The following CEP135 variants were observed in gnomAD, a reference collection of about 807,000 sequenced individuals.
The protein encoded by CEP135 is centrosomal protein of 135 kDa.
In CEP135, 142 loss-of-function variants were observed where a neutral mutation model predicts 157.3. That is an observed-to-expected ratio of 0.90 (90% confidence interval 0.79 to 1.04). The LOEUF is 1.04. CEP135 is among the 50% of genes least tolerant of loss of function. The pLI is 0.00. For synonymous variants in CEP135, 396 were observed against 439.8 expected, an observed-to-expected ratio of 0.90 and a Z score of 1.25; for missense variants, 1,317 against 1,309.2, an observed-to-expected ratio of 1.01 and a Z score of -0.09.
chr4:55,971,398 T>A lies in CEP135; in HGVS notation c.1239T>A (p.Phe413Leu). Residue 413 changes from phenylalanine (F) to leucine (L), a missense_variant, in exon 10 of 26, where the codon TTT becomes TTA. Phe to Leu is a conservative substitution (Grantham distance 22). Coordinates refer to ENST00000257287, the MANE Select transcript of CEP135 (RefSeq NM_025009.5). ...GACTTAGCAAAAAAGTTGAAAGTTT[T>A]GCAGTTACAGGTAAGATGTCAAATT... is the stretch of plus-strand genomic sequence containing the variant. ...KQRLSKKVES[F>L]AVTERQLTLE... The A allele has an allele frequency of 6.3e-7, 1 of 1,595,316 alleles. No individual in the cohort carries two copies. Among genetic ancestry groups the A allele is most frequent in the Non-Finnish European group, 8.5e-7 (1 of 1,174,354 alleles).
chr4:56,027,129 A>C (rs545996905), intron 25 of CEP135, among the ~76,000 whole-genome samples: 9 of 152,264 alleles, frequency 5.9e-5, no homozygotes, highest in Middle Eastern at 3.4e-3. Context: ...CTCAGTGTTC[A>C]CTGTAGTCAC....
chr4:55,985,940 C>CA (rs995642701), intron 14 of CEP135, among the ~76,000 whole-genome samples: 11 of 151,460 alleles, frequency 7.3e-5, no homozygotes, highest in Non-Finnish European at 1.2e-4. Context: ...ACTACAACTC[C>CA]AAAAAAAATC....
In CEP135 at chr4:56,017,733, A is replaced by G; in HGVS notation, c.2888A>G (p.Gln963Arg). Residue 963 changes from glutamine to arginine, a missense_variant, in exon 22 of 26, where the codon CAA becomes CGA. By Grantham distance (43) the Gln-to-Arg change is conservative (BLOSUM62 1). Transcript: ENST00000257287. ...MSRLEEELRH[Q>R]EDEKATVLND... ...CGATTAGAAGAAGAGCTGAGACATC[A>G]AGAAGATGAGAAAGCAACAGTATTA... The G allele has an allele frequency of 6.2e-7, 1 of 1,614,004 alleles. No homozygotes were observed. The highest frequency in any genetic ancestry group is 8.5e-7 in the Non-Finnish European group (1 of 1,179,992).
At chr4:55,988,875 G>A (rs533632761) in intron 14 of CEP135, among the ~76,000 whole-genome samples, 1 of 149,760 alleles carries the variant, frequency 6.7e-6, no homozygotes, top group East Asian at 2.0e-4. Context: ...GCAGGAGAAT[G>A]GCATGAACCT....
chr4:55,994,656 A>G (rs553752199), intron 15 of CEP135, among the ~76,000 whole-genome samples: 1 of 149,554 alleles, frequency 6.7e-6, no homozygotes, highest in African/African-American at 2.5e-5. Context: ...TTTATTACCA[A>G]CAAACAGGCT....
At chr4:55,964,715 G>C (rs1728789680) in intron 7 of CEP135, among the ~76,000 whole-genome samples, 1 of 152,144 alleles carries the variant, frequency 6.6e-6, no homozygotes, top group South Asian at 2.1e-4. Flanking sequence ...GACTTGGAAA[G>C]AGAAAACGAA....
intron 24 of CEP135, 64 bp downstream of exon 24, chr4:56,020,844 T>G: frequency 1.7e-6 from 2 of 1,151,270 alleles, no homozygotes; most frequent in Admixed American, 2.0e-5. Context: ...CTTCAGAAAG[T>G]ATTTAATATG....
intron 17 of CEP135, among the ~76,000 whole-genome samples, chr4:56,007,790 T>C (rs2702341): frequency 0.55 from 83,906 of 151,964 alleles, 23,571 homozygotes; most frequent in African/African-American, 0.65. Flanking sequence ...ATTCTGTCAC[T>C]GTCTGCTCAG....
chr4:55,985,273 T>C lies in CEP135; in HGVS notation c.1780-8T>C. 1 of 1,499,576 alleles carries C rather than the reference T, an allele frequency of 6.7e-7. No homozygotes were observed. The highest frequency in any genetic ancestry group is 9.2e-7 in the Non-Finnish European group (1 of 1,081,638). The allele number at this position is 1,499,576 out of a possible 1,614,324, so 92.9% of individuals were successfully genotyped here. A position where few individuals can be genotyped will look rare whatever the true frequency, so the allele number is the denominator to read the frequency against. ...CAAATGAACATTTTCTTTAACATTC[T>C]TTTTCAGCATATTGAAGAAGTGAGT... On this transcript the variant is annotated splice_polypyrimidine_tract_variant and splice_region_variant and intron_variant, in intron 13 of 25. Coordinates refer to ENST00000257287, the MANE Select transcript of CEP135 (RefSeq NM_025009.5).
chr4:55,976,741 G>C (rs1729237457), intron 11 of CEP135, among the ~76,000 whole-genome samples: 1 of 151,984 alleles, frequency 6.6e-6, no homozygotes, highest in Non-Finnish European at 1.5e-5. Flanking sequence ...GAATGAAATG[G>C]GTGGGGTATA....
At chr4:56,027,688 T>C (rs1372676494) in intron 25 of CEP135, among the ~76,000 whole-genome samples, 1 of 152,144 alleles carries the variant, frequency 6.6e-6, no homozygotes, top group Non-Finnish European at 1.5e-5. Flanking sequence ...ATTTTTGTTT[T>C]GTTTTGTTTT....
intron 21 of CEP135, among the ~76,000 whole-genome samples, chr4:56,014,753 G>T (rs1254292663): frequency 6.6e-6 from 1 of 152,124 alleles, no homozygotes; most frequent in African/African-American, 2.4e-5. Flanking sequence ...ATGAAGCCAG[G>T]TGTGGTAGCT....
chr4:56,008,506 G>A (rs952886393), intron 18 of CEP135, 124 bp downstream of exon 18: 41 of 727,298 alleles, frequency 5.6e-5, no homozygotes, highest in East Asian at 2.4e-4. Flanking sequence ...TTTGTCAATG[G>A]TAGCATCATT....
rs968283902 is a variant in CEP135 at position 56,032,769 on chromosome 4, C to T, written c.*1421C>T. On this transcript the variant is annotated 3_prime_UTR_variant, in exon 26 of 26. Transcript: ENST00000257287. ...AATATATTTCATTATGATTGAAAAA[C>T]ATAAAAACTAACATAGGAAAGTGAA... is the stretch of plus-strand genomic sequence containing the variant. 3 of 151,934 alleles carry T rather than the reference C, an allele frequency of 2.0e-5. No individual in the cohort carries two copies. Among genetic ancestry groups the T allele is most frequent in the East Asian group, 1.9e-4 (1 of 5,184 alleles). 9.4% of individuals were successfully genotyped at this position (151,934 alleles called of 1,614,324 possible).
intron 15 of CEP135, among the ~76,000 whole-genome samples, chr4:55,995,498 A>G (rs191528857): frequency 6.6e-6 from 1 of 152,278 alleles, no homozygotes; most frequent in East Asian, 1.9e-4. Context: ...TGTGCCGGCT[A>G]TATAGTTTAT....
chr4:55,975,826 T>C (rs1300427796), intron 11 of CEP135, among the ~76,000 whole-genome samples: 1 of 152,246 alleles, frequency 6.6e-6, no homozygotes, highest in African/African-American at 2.4e-5. Flanking sequence ...AATTTTGTCA[T>C]GTTTTTCCTG....
intron 8 of CEP135, 65 bp from the exon 9 acceptor site, chr4:55,968,998 A>G (rs1728930048): frequency 3.3e-6 from 4 of 1,221,558 alleles, no homozygotes; most frequent in East Asian, 4.9e-5. Context: ...TACTTGATCT[A>G]TTTGCATATG....
chr4:56,027,828 T>C (rs969913199), intron 25 of CEP135, among the ~76,000 whole-genome samples: 1 of 152,062 alleles, frequency 6.6e-6, no homozygotes, highest in Non-Finnish European at 1.5e-5. Context: ...TAGCTGGGAC[T>C]ACAGGCACGC....
At chr4:55,953,504 AAAAAG>A (rs989033661) in intron 3 of CEP135, among the ~76,000 whole-genome samples, 9 of 152,256 alleles carry the variant, frequency 5.9e-5, no homozygotes, top group South Asian at 2.1e-4. Flanking sequence ...TGTTTCAAAA[AAAAAG>A]AAAAGAAAAG....
Sources: gnomAD v4.1 joint callset for allele counts (sites outside exome capture counted in the v4.1 genomes callset) on GRCh38, gnomAD v4.1.1 for gene constraint, MANE v1.5 for transcripts, NCBI Gene and HGNC (gene_info 2026-07-23, HGNC 2026-07-21) for gene names.